The following LRRC7 variants were observed in gnomAD, a reference collection of about 807,000 sequenced individuals.
LRRC7 encodes the protein leucine rich repeat containing 7.
Under a neutral mutation model 175.7 loss-of-function variants are expected in LRRC7, and 23 were observed. The ratio of observed to expected loss-of-function variants is 0.13; its 90% CI spans 0.09 to 0.19. The LOEUF is 0.19. Ranked by LOEUF, LRRC7 falls within the 10% of genes least tolerant of loss-of-function variation. The probability of loss-of-function intolerance (pLI) is 1.00; values close to 1 mark genes in which losing one functional copy is unlikely to be tolerated. For synonymous variants in LRRC7, 685 were observed against 680.9 expected (o/e 1.01, Z -0.09); for missense variants, 1,354 against 1,904.7 (o/e 0.71, Z 5.38).
At chr1:69,856,295 A>C (rs1169152257) in intron 7 of LRRC7, among the ~76,000 whole-genome samples, 1 of 152,184 alleles carries the variant, frequency 6.6e-6, no homozygotes, top group Non-Finnish European at 1.5e-5. Flanking sequence ...AAACACAAAA[A>C]ACTCTTCAAA....
chr1:69,622,828 C>T (rs1650848496), intron 1 of LRRC7, among the ~76,000 whole-genome samples: 1 of 152,134 alleles, frequency 6.6e-6, no homozygotes, highest in African/African-American at 2.4e-5. Context: ...CAAGTAAAAA[C>T]TCAAGTTACT....
chr1:69,911,385 C>T (rs1646525918), intron 7 of LRRC7, among the ~76,000 whole-genome samples: 1 of 152,312 alleles, frequency 6.6e-6, no homozygotes, highest in African/African-American at 2.4e-5. Flanking sequence ...AAACTGCTTT[C>T]CACAATGACT....
At chr1:69,627,400 C>T (rs538833337) in intron 1 of LRRC7, among the ~76,000 whole-genome samples, 32 of 152,174 alleles carry the variant, frequency 2.1e-4, no homozygotes, top group African/African-American at 3.1e-4. Context: ...TCATATCCTT[C>T]GCCCACTTTT....
chr1:69,930,427 A>G (rs531963541), intron 7 of LRRC7, among the ~76,000 whole-genome samples: 46 of 152,336 alleles, frequency 3.0e-4, no homozygotes, highest in Admixed American at 1.2e-3. Flanking sequence ...ATTTCAATCA[A>G]TGGTGTCTGA....
rs1666947295 is a variant in LRRC7, at chr1:70,138,371, A to AGTTCTGTG, written c.*16484_*16485insGTTCTGTG. The AGTTCTGTG allele has an allele frequency of 6.6e-6, 1 of 152,236 alleles. No homozygotes were observed. Among genetic ancestry groups the AGTTCTGTG allele is most frequent in the Non-Finnish European group, 1.5e-5 (1 of 68,032 alleles). The allele number at this position is 152,236 out of a possible 1,614,324, so 9.4% of individuals were successfully genotyped here. On this transcript the variant is annotated 3_prime_UTR_variant, in exon 27 of 27. Coordinates refer to ENST00000651989, the MANE Select transcript of LRRC7 (RefSeq NM_001370785.2). ...TTAAAAAAGATCAGTTCTGTAAAGC[A>AGTTCTGTG]TAATGCCTACTACACAGACATCATT...
chr1:69,628,245 TA>T (rs35991759), intron 1 of LRRC7, among the ~76,000 whole-genome samples: 1 of 151,908 alleles, frequency 6.6e-6, no homozygotes, highest in East Asian at 1.9e-4. Context: ...TCAGAATGAG[TA>T]AAAAAAATTC....
At chr1:69,687,671 G>A (rs1302722484) in intron 2 of LRRC7, among the ~76,000 whole-genome samples, 4 of 151,942 alleles carry the variant, frequency 2.6e-5, no homozygotes, top group African/African-American at 7.3e-5. Flanking sequence ...CCTCTCTTGA[G>A]TTTTTGAATA....
intron 4 of LRRC7, among the ~76,000 whole-genome samples, chr1:69,806,597 C>T (rs1284716068): frequency 1.3e-5 from 2 of 151,998 alleles, no homozygotes; most frequent in Non-Finnish European, 2.9e-5. Context: ...ATCTGCACTT[C>T]CTACTCAATA....
chr1:70,049,336 A>G (rs912177216), intron 22 of LRRC7, among the ~76,000 whole-genome samples: 3 of 152,140 alleles, frequency 2.0e-5, no homozygotes, highest in Non-Finnish European at 4.4e-5. Flanking sequence ...GGATATATGC[A>G]AATGACTCAG....
chr1:70,064,462 G>A (rs1661817689), intron 23 of LRRC7, among the ~76,000 whole-genome samples: 1 of 151,686 alleles, frequency 6.6e-6, no homozygotes, highest in South Asian at 2.1e-4. Context: ...TGTTGTCTGG[G>A]TATACAGCCT....
At chr1:69,919,529 C>G in intron 7 of LRRC7, 1 of 807,892 alleles carries the variant, frequency 1.2e-6, no homozygotes, top group Admixed American at 2.0e-5. Flanking sequence ...GTCCGCCGCT[C>G]GCACCTGCTA....
At position 69,963,341 on chromosome 1, in the gene LRRC7, A is replaced by G. The variant is rs114230736; in HGVS notation, c.712-17038A>G. Reference sequence around the variant, plus strand: ...AAAAGAAAGAAAGAAACAAAGAAAAAGAAAACATTTGCAAAGACCAGATTG... The same window carrying G: ...AAAAGAAAGAAAGAAACAAAGAAAAGGAAAACATTTGCAAAGACCAGATTG... On this transcript the variant is annotated intron_variant, in intron 8 of 26. Transcript: ENST00000651989. Among the ~76,000 whole-genome samples the G allele has an allele frequency of 6.4e-3, 971 of 152,102 alleles. 8 individuals carry two copies. The highest frequency in any genetic ancestry group is 0.022 in the African/African-American group (894 of 41,506).
intron 1 of LRRC7, chr1:69,607,242 A>G (rs1647741376): frequency 1.3e-5 from 2 of 152,034 alleles, no homozygotes; most frequent in Non-Finnish European, 1.5e-5. Context: ...GTACTTGTTT[A>G]TGTTTTTGGA....
chr1:70,016,867 A>G (rs1657006486), intron 14 of LRRC7, among the ~76,000 whole-genome samples: 1 of 152,172 alleles, frequency 6.6e-6, no homozygotes, highest in Non-Finnish European at 1.5e-5. Context: ...CTCTGAAGGT[A>G]AAGAATAAGA....
intron 1 of LRRC7, chr1:69,607,515 T>C (rs1195689450): frequency 6.6e-6 from 1 of 152,134 alleles, no homozygotes; most frequent in Non-Finnish European, 1.5e-5. Context: ...TCACTTTTTC[T>C]GCCTTATGCA....
chr1:70,028,402 T>C, intron 18 of LRRC7, 31 bp downstream of exon 18: 2 of 1,589,716 alleles, frequency 1.3e-6, no homozygotes, highest in Non-Finnish European at 1.7e-6. Context: ...ATTGCCAGTG[T>C]GGTTTGGATT....
At chr1:69,809,220 C>A (rs1366411872) in intron 4 of LRRC7, among the ~76,000 whole-genome samples, 1 of 152,094 alleles carries the variant, frequency 6.6e-6, no homozygotes, top group Admixed American at 6.6e-5. Context: ...CAAGTCTAAA[C>A]CAGGAAGAAG....
At chr1:69,706,534 C>T (rs774878368) in intron 2 of LRRC7, among the ~76,000 whole-genome samples, 8 of 152,140 alleles carry the variant, frequency 5.3e-5, no homozygotes, top group Non-Finnish European at 8.8e-5. Context: ...GTCATTTTCA[C>T]ACATGGCCTT....
chr1:69,595,012 A>AT (rs113142766), intron 1 of LRRC7, among the ~76,000 whole-genome samples: 2,200 of 148,188 alleles, frequency 0.015, 33 homozygotes, highest in African/African-American at 0.043. Context: ...AAAAATGATC[A>AT]TTTTTTTTTT....
Sources: gnomAD v4.1 joint callset for allele counts (sites outside exome capture counted in the v4.1 genomes callset) on GRCh38, gnomAD v4.1.1 for gene constraint, MANE v1.5 for transcripts, NCBI Gene and HGNC (gene_info 2026-07-23, HGNC 2026-07-21) for gene names.